Variants in DTNBP1 observed in about 807,000 individuals in gnomAD.
The protein encoded by DTNBP1 is dystrobrevin binding protein 1.
DTNBP1 carries 35 observed loss-of-function variants against 42.8 expected under a neutral mutation model. The ratio of observed to expected loss-of-function variants is 0.82; its 90% confidence interval spans 0.63 to 1.09. DTNBP1 has a LOEUF of 1.09. DTNBP1 is among the 50% of genes least tolerant of loss of function. DTNBP1 has a pLI of 0.00. For missense variants in DTNBP1, 457 were observed against 424.2 expected, an observed-to-expected ratio of 1.08 and a Z score of -0.68; for synonymous variants, 171 against 162.2, an observed-to-expected ratio of 1.05 and a Z score of -0.41.
intron 3 of DTNBP1, among the ~76,000 whole-genome samples, chr6:15,638,383 G>T (rs991770776): frequency 3.3e-5 from 5 of 152,096 alleles, no homozygotes; most frequent in African/African-American, 1.2e-4. Flanking sequence ...CTCCCAAAGT[G>T]CTGGGATTAC....
chr6:15,559,414 C>A (rs565101160), intron 7 of DTNBP1, among the ~76,000 whole-genome samples: 12 of 152,256 alleles, frequency 7.9e-5, no homozygotes, highest in African/African-American at 2.6e-4. Flanking sequence ...TCCTACACAA[C>A]AACAACAAAC....
intron 5 of DTNBP1, among the ~76,000 whole-genome samples, chr6:15,621,432 T>C (rs1361246764): frequency 1.3e-5 from 2 of 152,190 alleles, no homozygotes; most frequent in African/African-American, 4.8e-5. Flanking sequence ...TAGGTACAAA[T>C]TGTACTTGCT....
chr6:15,658,357 C>T (rs1040888585), intron 1 of DTNBP1, among the ~76,000 whole-genome samples: 6 of 152,124 alleles, frequency 3.9e-5, no homozygotes, highest in African/African-American at 1.4e-4. Context: ...CACCATTTGA[C>T]CACATTGTAA....
chr6:15,650,052 G>C (rs1366867347), intron 3 of DTNBP1, among the ~76,000 whole-genome samples: 1 of 152,076 alleles, frequency 6.6e-6, no homozygotes, highest in South Asian at 2.1e-4. Flanking sequence ...TTTCACTTCA[G>C]AGAAGAAAAA....
chr6:15,534,014 G>C (rs1015046994), intron 7 of DTNBP1, among the ~76,000 whole-genome samples: 1 of 152,204 alleles, frequency 6.6e-6, no homozygotes, highest in African/African-American at 2.4e-5. Context: ...TGAACCTGGA[G>C]CACATATGCT....
At position 15,527,743 on chromosome 6, in the gene DTNBP1, A is replaced by G. The variant is rs572265671; in HGVS notation, c.668-3074T>C. ...TGGGTAAGACTCATCGTAAATAGAG[A>G]TGAAAGGAATAAAAGGCACATGAAC... On this transcript the variant is annotated intron_variant, in intron 8 of 9. Transcript: ENST00000344537. 7.5e-4 allele frequency among the ~76,000 whole-genome samples: 114 copies of G among 152,310 alleles called. 1 individual carries two copies. The highest frequency in any genetic ancestry group is 9.0e-4 in the Non-Finnish European group (61 of 68,028).
At chr6:15,616,359 T>C (rs78563008) in intron 5 of DTNBP1, among the ~76,000 whole-genome samples, 52 of 152,322 alleles carry the variant, frequency 3.4e-4, no homozygotes, top group African/African-American at 1.2e-3. Context: ...GTCACTGTGA[T>C]ACAAAGATGA....
chr6:15,634,795 T>C (rs1759911933), intron 4 of DTNBP1, among the ~76,000 whole-genome samples: 1 of 152,218 alleles, frequency 6.6e-6, no homozygotes, highest in South Asian at 2.1e-4. Context: ...GCATTATTCT[T>C]CTATCATTTT....
intron 4 of DTNBP1, among the ~76,000 whole-genome samples, chr6:15,628,823 T>C (rs895340391): frequency 2.6e-5 from 4 of 152,224 alleles, no homozygotes; most frequent in Admixed American, 6.5e-5. Flanking sequence ...CAAAATTATT[T>C]GTATGTAGTA....
intron 8 of DTNBP1, among the ~76,000 whole-genome samples, chr6:15,528,844 T>A (rs1273889788): frequency 6.6e-6 from 1 of 152,196 alleles, no homozygotes; most frequent in Non-Finnish European, 1.5e-5. Flanking sequence ...TTGGTTATAA[T>A]GCAAATCCTC....
At chr6:15,559,394 T>C (rs1022802188) in intron 7 of DTNBP1, among the ~76,000 whole-genome samples, 3 of 152,202 alleles carry the variant, frequency 2.0e-5, no homozygotes, top group Non-Finnish European at 4.4e-5. Context: ...TGAAGTGTCA[T>C]CTTGTTTTAT....
At chr6:15,646,949 G>A (rs1760716949) in intron 3 of DTNBP1, among the ~76,000 whole-genome samples, 1 of 151,954 alleles carries the variant, frequency 6.6e-6, no homozygotes. Context: ...TTTGGGCACT[G>A]GCCTAAGCAA....
intron 5 of DTNBP1, among the ~76,000 whole-genome samples, chr6:15,618,558 C>T (rs1160060938): frequency 6.6e-6 from 1 of 151,760 alleles, no homozygotes; most frequent in Non-Finnish European, 1.5e-5. Context: ...TAGCTATTAG[C>T]GAAAAGACCA....
chr6:15,631,501 T>C (rs1759692521), intron 4 of DTNBP1, among the ~76,000 whole-genome samples: 1 of 152,204 alleles, frequency 6.6e-6, no homozygotes, highest in Non-Finnish European at 1.5e-5. Flanking sequence ...TTGATACATA[T>C]AGGTGTAGTA....
At chr6:15,539,975 C>G (rs753273116) in intron 7 of DTNBP1, among the ~76,000 whole-genome samples, 4 of 152,190 alleles carry the variant, frequency 2.6e-5, no homozygotes, top group Non-Finnish European at 4.4e-5. Context: ...AAATACGAAT[C>G]ACCAAGCATA....
chr6:15,644,312 A>G (rs1453018732), intron 3 of DTNBP1, among the ~76,000 whole-genome samples: 4 of 152,114 alleles, frequency 2.6e-5, no homozygotes, highest in African/African-American at 7.2e-5. Context: ...AGAACCGAAA[A>G]AGAGAGATAG....
At chr6:15,631,531 T>C (rs1759693785) in intron 4 of DTNBP1, among the ~76,000 whole-genome samples, 2 of 152,252 alleles carry the variant, frequency 1.3e-5, no homozygotes, top group Admixed American at 6.5e-5. Context: ...TTTTCACTGC[T>C]GTATACGGTA....
Position 15,596,586 on chromosome 6 carries a change from C to T in DTNBP1, c.489-3505G>A, listed in dbSNP as rs548781098. Among the ~76,000 whole-genome samples the T allele has an allele frequency of 2.0e-5, 3 of 152,322 alleles. No individual in the cohort carries two copies. In the South Asian group the frequency reaches 6.2e-4, roughly 32 times the overall value. On this transcript the variant is annotated intron_variant, in intron 6 of 9. Coordinates refer to ENST00000344537, the MANE Select transcript of DTNBP1 (RefSeq NM_032122.5). ...CAGTTTCTTTTGCTATTGTCTCCAT[C>T]CCTTCCAGACCACCAGATGCTGGAG... is the stretch of plus-strand genomic sequence containing the variant.
chr6:15,533,532 CG>C (rs1773018795), intron 7 of DTNBP1, 137 bp from the exon 8 acceptor site: 2 of 1,415,878 alleles, frequency 1.4e-6, no homozygotes, highest in East Asian at 4.6e-5. Flanking sequence ...GCCCCGACTG[CG>C]TGTACAGCTG....
Sources: allele counts gnomAD v4.1 joint callset (sites outside exome capture counted in the v4.1 genomes callset), GRCh38; gene constraint gnomAD v4.1.1; transcripts MANE v1.5; gene names NCBI Gene and HGNC (gene_info 2026-07-23, HGNC 2026-07-21).